RIPPLY3: variants seen among roughly 807,000 people sequenced by gnomAD.
RIPPLY3 encodes the protein ripply transcriptional repressor 3.
A neutral mutation model predicts 11.9 loss-of-function variants in RIPPLY3; 8 were observed. That is an observed-to-expected ratio of 0.67 (90% confidence interval 0.40 to 1.21). The LOEUF is 1.21. Ranked by LOEUF, RIPPLY3 falls within the 50% of genes most tolerant of loss-of-function variation. RIPPLY3 has a pLI of 0.01. For synonymous variants in RIPPLY3, 102 were observed against 99.0 expected (o/e 1.03, Z -0.18); for missense variants, 271 against 246.0 (o/e 1.10, Z -0.68).
rs1327154750 is a variant in RIPPLY3, at chr21:37,018,360, G to A, written c.*153G>A. 4.8e-6 allele frequency: 3 copies of A among 626,056 alleles called. No individual in the cohort carries two copies. The highest frequency in any genetic ancestry group is 2.9e-4 in the Middle Eastern group (1 of 3,426). 38.8% of individuals were successfully genotyped at this position (626,056 alleles called of 1,614,324 possible). ...GCCTGCACACTACTCATGACAGAAA[G>A]TCAGCTTTTACTTTTCTTTCCCCTG... is the stretch of plus-strand genomic sequence containing the variant. On this transcript the variant is annotated 3_prime_UTR_variant, in exon 4 of 4. Transcript: ENST00000329553.
At chr21:37,009,304 G>T (rs1223896546) in intron 2 of RIPPLY3, among the ~76,000 whole-genome samples, 1 of 151,082 alleles carries the variant, frequency 6.6e-6, no homozygotes, top group African/African-American at 2.4e-5. Flanking sequence ...TTGAATTTAC[G>T]TAACACGTGT....
At chr21:37,013,493 A>T in intron 2 of RIPPLY3, 58 bp from the exon 3 acceptor site, 1 of 1,469,182 alleles carries the variant, frequency 6.8e-7, no homozygotes, top group African/African-American at 1.4e-5. Flanking sequence ...AAACCTCAGG[A>T]TGTCACCTTC....
chr21:37,016,438 GA>G (rs918570575), intron 3 of RIPPLY3, among the ~76,000 whole-genome samples: 3 of 151,460 alleles, frequency 2.0e-5, no homozygotes, highest in Non-Finnish European at 4.4e-5. Flanking sequence ...TCTTCTATCT[GA>G]AAAAAAAGGA....
chr21:37,008,373 T>G, intron 2 of RIPPLY3, 150 bp downstream of exon 2: 1 of 686,372 alleles, frequency 1.5e-6, no homozygotes, highest in Non-Finnish European at 2.4e-6. Flanking sequence ...AGTTGGAACC[T>G]GAATGAGTAA....
chr21:37,008,497 C>A (rs1299570278), intron 2 of RIPPLY3, among the ~76,000 whole-genome samples: 3 of 152,102 alleles, frequency 2.0e-5, no homozygotes, highest in Non-Finnish European at 4.4e-5. Flanking sequence ...GTGGCTCGGG[C>A]CTGTAATCTC....
chr21:37,018,211 A>C lies in RIPPLY3; in HGVS notation c.*4A>C, dbSNP rs1462615326. On this transcript the variant is annotated 3_prime_UTR_variant, in exon 4 of 4. Transcript: ENST00000329553. ...CAAGTGCTCCTCATCCAAATGAATC[A>C]GTCTCTGTCTCCTGGGCCCTGCTCT... 1 of 1,610,414 alleles carries C rather than the reference A, an allele frequency of 6.2e-7. No homozygotes were observed. The highest frequency in any genetic ancestry group is 1.3e-5 in the African/African-American group (1 of 74,842).
chr21:37,013,339 T>TC (rs2069545822), intron 2 of RIPPLY3, among the ~76,000 whole-genome samples: 1 of 152,144 alleles, frequency 6.6e-6, no homozygotes, highest in African/African-American at 2.4e-5. Flanking sequence ...TCCAACTCCT[T>TC]CCATCTGAAT....
intron 3 of RIPPLY3, among the ~76,000 whole-genome samples, chr21:37,014,146 G>A (rs758597048): frequency 3.9e-5 from 6 of 151,904 alleles, no homozygotes; most frequent in African/African-American, 7.3e-5. Context: ...TGAAACCCCC[G>A]TCTCTACTAA....
At chr21:37,011,467 T>C (rs1234523073) in intron 2 of RIPPLY3, among the ~76,000 whole-genome samples, 1 of 152,104 alleles carries the variant, frequency 6.6e-6, no homozygotes, top group Non-Finnish European at 1.5e-5. Flanking sequence ...CCCTGTCTGA[T>C]CGCAGGGCGC....
chr21:37,018,114 G>A lies in RIPPLY3; in HGVS notation c.480G>A (p.Gly160=), dbSNP rs2069599130. 3 of 1,614,034 alleles carry A rather than the reference G, an allele frequency of 1.9e-6. No individual in the cohort carries two copies. The highest frequency in any genetic ancestry group is 2.5e-6 in the Non-Finnish European group (3 of 1,180,016). The change falls in exon 4 of 4, where the codon GGG becomes GGA. Residue 160 remains glycine, a synonymous_variant. Coordinates refer to ENST00000329553, the MANE Select transcript of RIPPLY3 (RefSeq NM_018962.3). The part of the protein sequence containing the change: ...GKGRDQGINQ[G]QRSSGGGDHW... ...GCAGAGACCAGGGCATCAACCAAGG[G>A]CAGCGATCCTCAGGAGGGGGTGACC...
At position 37,007,385 on chromosome 21, in the gene RIPPLY3, G is replaced by A. The variant is rs1475445719; in HGVS notation, c.104+509G>A. Among the ~76,000 whole-genome samples, 6 of 149,102 alleles carry A rather than the reference G, an allele frequency of 4.0e-5. No individual in the cohort carries two copies. In the East Asian group the frequency reaches 1.2e-3, roughly 29 times the overall value. On this transcript the variant is annotated intron_variant, in intron 1 of 3. Transcript: ENST00000329553. ...GCCGGATGGGCCAGGTAGCCAGGCA[G>A]GAGAAAGATTCCCTCTTTTTTTTTT... is the stretch of plus-strand genomic sequence containing the variant.
upstream of RIPPLY3, chr21:37,006,430 C>G (rs527998841): frequency 7.1e-4 from 149 of 208,974 alleles, 2 homozygotes; most frequent in South Asian, 0.016. This position sits in a 1 kb window ranked among gnomAD's most constrained non-coding sequence, Gnocchi z 5.2. Flanking sequence ...TTCTTTGTCC[C>G]GTCCCCACCC....
At position 37,018,285 on chromosome 21, in the gene RIPPLY3, C is replaced by T. The variant is rs903354547; in HGVS notation, c.*78C>T. The T allele has an allele frequency of 3.0e-5, 37 of 1,219,146 alleles. No individual in the cohort carries two copies. The highest frequency in any genetic ancestry group is 4.3e-5 in the Non-Finnish European group (36 of 836,150). 75.5% of individuals were successfully genotyped at this position (1,219,146 alleles called of 1,614,324 possible). The stretch of plus-strand genomic sequence containing the variant: ...TGGGGACACCCGAGCCAGGACACTA[C>T]GCATCCCTGCTGAGTGTGCAGAGGC... On this transcript the variant is annotated 3_prime_UTR_variant, in exon 4 of 4. Transcript: ENST00000329553.
In RIPPLY3 at chr21:37,008,346, G is replaced by A. The variant is rs898167393; in HGVS notation, c.171+123G>A. On this transcript the variant is annotated intron_variant, in intron 2 of 3. Transcript: ENST00000329553. ...CGTCCCTTGGGCGTCTAACCCAGGA[G>A]CGCCTCGGGGTCTGGGAGTTGGAAC... The A allele has an allele frequency of 8.4e-6, 8 of 949,222 alleles. No individual in the cohort carries two copies. In the African/African-American group the frequency reaches 1.3e-4, roughly 16 times the overall value. The allele number at this position is 949,222 out of a possible 1,614,324, so 58.8% of individuals were successfully genotyped here.
At chr21:37,013,487 C>T in intron 2 of RIPPLY3, 64 bp from the exon 3 acceptor site, 1 of 1,429,096 alleles carries the variant, frequency 7.0e-7, no homozygotes, top group Non-Finnish European at 9.8e-7. Context: ...GGTTTAAAAC[C>T]TCAGGATGTC....
chr21:37,017,899 C>G lies in RIPPLY3; in HGVS notation c.265C>G (p.Gln89Glu). ...AGTCTATTTACCCATGTCAAAGCGT[C>G]AAGAATACCTGCGGAGTTCCGGGGA... ...VRVYLPMSKR[Q>E]EYLRSSGEQV... The change falls in exon 4 of 4, where the codon CAA (glutamine) becomes GAA (glutamate). Residue 89 changes from glutamine to glutamate, a missense_variant. By Grantham distance (29) the Gln-to-Glu change is conservative (BLOSUM62 2). Coordinates refer to ENST00000329553, the MANE Select transcript of RIPPLY3 (RefSeq NM_018962.3). 1 of 1,613,456 alleles carries G rather than the reference C, an allele frequency of 6.2e-7. No homozygotes were observed. The highest frequency in any genetic ancestry group is 8.5e-7 in the Non-Finnish European group (1 of 1,179,724).
At position 37,008,166 on chromosome 21, in the gene RIPPLY3, G is replaced by A. The variant is rs781340522; in HGVS notation, c.114G>A (p.Pro38=). The change falls in exon 2 of 4, where the codon CCG becomes CCA. Residue 38 remains proline (P), a synonymous_variant. Coordinates refer to ENST00000329553, the MANE Select transcript of RIPPLY3 (RefSeq NM_018962.3). ...GCGCTTGCCGTTCCAGCCCCGCGCC[G>A]TGGCGACCTTGGATCCAGACACCTG... is the stretch of plus-strand genomic sequence containing the variant. ...PPPRGPESPA[P]WRPWIQTPGD... The A allele has an allele frequency of 2.6e-5, 42 of 1,614,012 alleles. No individual in the cohort carries two copies. The South Asian group carries it at 4.1e-4, about 16-fold the overall frequency.
Position 37,006,863 on chromosome 21 carries a change from C to G in RIPPLY3, c.91C>G (p.Arg31Gly), listed in dbSNP as rs1200039981. 1.6e-6 allele frequency: 2 copies of G among 1,220,374 alleles called. No homozygotes were observed. The highest frequency in any genetic ancestry group is 2.0e-6 in the Non-Finnish European group (2 of 980,438). The allele number at this position is 1,220,374 out of a possible 1,614,324, so 75.6% of individuals were successfully genotyped here. Residue 31 changes from arginine (R) to glycine (G), a missense_variant, in exon 1 of 4, where the codon CGC (arginine) becomes GGC (glycine). By Grantham distance (125) the Arg-to-Gly change is moderately radical. Coordinates refer to ENST00000329553, the MANE Select transcript of RIPPLY3 (RefSeq NM_018962.3). The surrounding 1 kb of genome is among the most constrained non-coding windows in gnomAD (Gnocchi z 5.2). ...GDAPWRPPPP[R>G]GPESPAPWRP... ...CGCTCCCTGGAGGCCTCCGCCACCG[C>G]GCGGGCCGGAGAGGTGAGGGTGGCC...
chr21:37,007,210 A>G (rs1464184798), intron 1 of RIPPLY3, among the ~76,000 whole-genome samples: 5 of 151,870 alleles, frequency 3.3e-5, no homozygotes, highest in Admixed American at 6.6e-5. Flanking sequence ...TGCAAAGGCA[A>G]TCTCTCACCT....
Sources: allele counts gnomAD v4.1 joint callset (sites outside exome capture counted in the v4.1 genomes callset), GRCh38; gene constraint gnomAD v4.1.1; non-coding constraint Gnocchi (gnomAD v3.1); transcripts MANE v1.5; gene names NCBI Gene and HGNC (gene_info 2026-07-23, HGNC 2026-07-21).